EHMT1: variants seen among roughly 807,000 people sequenced by gnomAD.
EHMT1 encodes the protein histone-lysine N-methyltransferase EHMT1.
EHMT1 carries 15 observed loss-of-function variants against 147.2 expected under a neutral mutation model. That is an observed-to-expected ratio of 0.10 (90% CI 0.07 to 0.16). The LOEUF is 0.16. Ranked by LOEUF, EHMT1 falls within the 10% of genes least tolerant of loss-of-function variation. The pLI is 1.00. For synonymous variants in EHMT1, 795 were observed against 709.6 expected, an observed-to-expected ratio of 1.12 and a Z score of -1.91; for missense variants, 1,587 against 1,772.4, an observed-to-expected ratio of 0.90 and a Z score of 1.88.
chr9:137,808,276 T>C (rs1262653537), intron 18 of EHMT1, among the ~76,000 whole-genome samples: 1 of 152,164 alleles, frequency 6.6e-6, no homozygotes, highest in Non-Finnish European at 1.5e-5. Flanking sequence ...GGAACCTCTC[T>C]TGGAGCTCTG....
rs757380936 is a variant in EHMT1 at position 137,744,024 on chromosome 9, C to G, written c.1104C>G (p.Ala368=). The G allele has an allele frequency of 2.5e-6, 4 of 1,614,098 alleles. No homozygotes were observed. In the Middle Eastern group the frequency reaches 4.9e-4, roughly 200 times the overall value. The change falls in exon 6 of 27, where the codon GCC becomes GCG. Residue 368 remains alanine (A), a synonymous_variant. Transcript: ENST00000460843. ...EDDGHGAEQA[A]AFPTEDSRTS... Reference sequence around the variant, plus strand: ...ACGGCCATGGTGCAGAGCAGGCGGCCGCGTTCCCCACAGAGGACAGCAGGA... The same window carrying G: ...ACGGCCATGGTGCAGAGCAGGCGGCGGCGTTCCCCACAGAGGACAGCAGGA...
chr9:137,673,232 T>G (rs1262951681), intron 1 of EHMT1, among the ~76,000 whole-genome samples: 1 of 152,208 alleles, frequency 6.6e-6, no homozygotes, highest in Non-Finnish European at 1.5e-5. Context: ...TGTGCTAGTC[T>G]GGGTGCCTGG....
intron 1 of EHMT1, among the ~76,000 whole-genome samples, chr9:137,698,519 G>C (rs973225217): frequency 7.9e-5 from 12 of 152,206 alleles, no homozygotes; most frequent in Non-Finnish European, 1.3e-4. Context: ...CTAGTGAGCA[G>C]GTTGCCAGGT....
At chr9:137,730,172 T>C (rs971159699) in intron 4 of EHMT1, among the ~76,000 whole-genome samples, 1 of 152,172 alleles carries the variant, frequency 6.6e-6, no homozygotes, top group African/African-American at 2.4e-5. Flanking sequence ...AGGAATTGAA[T>C]TGTGGTGGTT....
At chr9:137,686,823 C>T (rs1004230488) in intron 1 of EHMT1, among the ~76,000 whole-genome samples, 20 of 151,450 alleles carry the variant, frequency 1.3e-4, no homozygotes, top group East Asian at 5.8e-4. Flanking sequence ...CTCTGCCTCC[C>T]GGGTTCATGC....
intron 12 of EHMT1, among the ~76,000 whole-genome samples, 154 bp from the exon 13 acceptor site, chr9:137,777,728 G>C (rs902921184): frequency 6.6e-6 from 1 of 152,162 alleles, no homozygotes; most frequent in Non-Finnish European, 1.5e-5. Context: ...CAGGAAATTT[G>C]GTTCTGAATC....
intron 6 of EHMT1, chr9:137,745,888 C>G (rs566179415): frequency 8.6e-4 from 190 of 221,466 alleles, no homozygotes; most frequent in South Asian, 5.7e-3. Flanking sequence ...GGGCTGCCTT[C>G]TTGGAGTCCA....
intron 10 of EHMT1, chr9:137,763,530 G>A (rs759960207): frequency 6.4e-6 from 1 of 156,280 alleles, no homozygotes; most frequent in Non-Finnish European, 1.4e-5. Context: ...AAGTCAGCAC[G>A]TGGCCATTAG....
At chr9:137,788,221 G>C (rs998904970) in intron 15 of EHMT1, 3 of 537,564 alleles carry the variant, frequency 5.6e-6, no homozygotes, top group Non-Finnish European at 9.6e-6. Context: ...CCCTGGCCAG[G>C]ATGCTCCTCC....
At chr9:137,755,035 G>A (rs1395773444) in intron 8 of EHMT1, among the ~76,000 whole-genome samples, 1 of 152,246 alleles carries the variant, frequency 6.6e-6, no homozygotes, top group Non-Finnish European at 1.5e-5. Flanking sequence ...AAGGGATGCA[G>A]CAGGTTTAGG....
chr9:137,631,339 C>T (rs576036831), intron 1 of EHMT1, among the ~76,000 whole-genome samples: 1 of 151,942 alleles, frequency 6.6e-6, no homozygotes, highest in East Asian at 1.9e-4. Flanking sequence ...TTGCAGTGAC[C>T]TGAGATCGTG....
chr9:137,718,699 CAT>C (rs1043321193), intron 3 of EHMT1, among the ~76,000 whole-genome samples: 1 of 152,022 alleles, frequency 6.6e-6, no homozygotes, highest in South Asian at 2.1e-4. Flanking sequence ...TTTATTCTGA[CAT>C]AAATTTTTTT....
Position 137,743,240 on chromosome 9 carries a change from G to T in EHMT1, c.824-131G>T, listed in dbSNP as rs1398540877. 4.4e-6 allele frequency: 5 copies of T among 1,131,728 alleles called. No individual in the cohort carries two copies. The East Asian group carries it at 1.0e-4, about 23-fold the overall frequency. The allele number at this position is 1,131,728 out of a possible 1,614,324, so 70.1% of individuals were successfully genotyped here. A position where few individuals can be genotyped will look rare whatever the true frequency, so the allele number is the denominator to read the frequency against. ...TGTGCTGATGACCTGCGGGCAGTGG[G>T]CCTGTTGTGATGGGGTTTGCTGGTG... On this transcript the variant is annotated intron_variant, in intron 4 of 26. Transcript: ENST00000460843.
At chr9:137,655,428 G>T (rs2480103) in intron 1 of EHMT1, among the ~76,000 whole-genome samples, 4,663 of 152,278 alleles carry the variant, frequency 0.031, 252 homozygotes, top group African/African-American at 0.11. Context: ...AAGGACCCAG[G>T]AATCTTACCT....
intron 2 of EHMT1, among the ~76,000 whole-genome samples, chr9:137,711,462 G>A (rs746196873): frequency 4.5e-4 from 68 of 152,252 alleles, no homozygotes; most frequent in African/African-American, 1.3e-3. Context: ...GACTGACGCC[G>A]CGCCATGGAT....
At chr9:137,723,151 T>C (rs1340077194) in intron 3 of EHMT1, among the ~76,000 whole-genome samples, 1 of 128,606 alleles carries the variant, frequency 7.8e-6, no homozygotes, top group African/African-American at 2.9e-5. Flanking sequence ...GGGGTGTGTC[T>C]GTGTCCGTGG....
chr9:137,720,220 G>T (rs1230436922), intron 3 of EHMT1, among the ~76,000 whole-genome samples: 1 of 152,094 alleles, frequency 6.6e-6, no homozygotes, highest in East Asian at 1.9e-4. Context: ...CCACACCAGG[G>T]TCCCTGACGT....
intron 1 of EHMT1, among the ~76,000 whole-genome samples, chr9:137,633,880 C>T (rs1322677556): frequency 2.7e-5 from 4 of 148,254 alleles, no homozygotes; most frequent in Non-Finnish European, 5.9e-5. Context: ...GGAGTGCAAT[C>T]TAGTCTCACT....
intron 14 of EHMT1, among the ~76,000 whole-genome samples, chr9:137,780,661 T>C (rs1313460085): frequency 1.3e-4 from 8 of 63,976 alleles, no homozygotes; most frequent in Admixed American, 3.9e-4. Flanking sequence ...CTCACTGAGA[T>C]GTGTGGTGAT....
Sources: gnomAD v4.1 joint callset for allele counts (sites outside exome capture counted in the v4.1 genomes callset) on GRCh38, gnomAD v4.1.1 for gene constraint, MANE v1.5 for transcripts, NCBI Gene and HGNC (gene_info 2026-07-23, HGNC 2026-07-21) for gene names.